MAF: variants seen among roughly 807,000 people sequenced by gnomAD.
The protein encoded by MAF is transcription factor Maf.
MAF carries 10 observed loss-of-function variants against 22.0 expected under a neutral mutation model. The ratio of observed to expected loss-of-function variants is 0.45; its 90% CI spans 0.28 to 0.77. MAF has a LOEUF of 0.77. Ranked by LOEUF, MAF falls within the 30% of genes least tolerant of loss-of-function variation. MAF has a pLI of 0.12. For missense variants in MAF, 544 were observed against 548.4 expected (o/e 0.99, Z 0.08); for synonymous variants, 337 against 255.8 (o/e 1.32, Z -3.03).
At chr16:79,255,102 C>T in the MAF span, among the ~76,000 whole-genome samples, 3 of 152,194 alleles carry the variant, frequency 2.0e-5, no homozygotes, top group African/African-American at 7.2e-5. Flanking sequence ...TCTAAACACA[C>T]CAAGGGCTAA....
the MAF span, among the ~76,000 whole-genome samples, chr16:79,470,321 G>C: frequency 6.6e-6 from 1 of 152,164 alleles, no homozygotes; most frequent in African/African-American, 2.4e-5. Flanking sequence ...TCCTGGCAAA[G>C]TTAGGGGATG....
the MAF span, among the ~76,000 whole-genome samples, chr16:79,479,010 C>T: frequency 6.6e-6 from 1 of 151,706 alleles, no homozygotes; most frequent in Non-Finnish European, 1.5e-5. Flanking sequence ...CCTAGTGCAC[C>T]TGTGCACCAC....
chr16:79,576,319 G>C, the MAF span, among the ~76,000 whole-genome samples: 1 of 150,580 alleles, frequency 6.6e-6, no homozygotes, highest in Non-Finnish European at 1.5e-5. Context: ...AATTCCATCA[G>C]GCGATTGATT....
At chr16:79,346,737 T>C in the MAF span, among the ~76,000 whole-genome samples, 1 of 152,228 alleles carries the variant, frequency 6.6e-6, no homozygotes, top group Non-Finnish European at 1.5e-5. Context: ...TGCATATTTG[T>C]AATGGAGACT....
chr16:79,390,431 T>C, the MAF span, among the ~76,000 whole-genome samples: 4 of 152,256 alleles, frequency 2.6e-5, no homozygotes, highest in Admixed American at 6.5e-5. Context: ...CCTTTGGTTA[T>C]TAACATGTCT....
At chr16:79,473,980 G>A in the MAF span, among the ~76,000 whole-genome samples, 176 of 152,260 alleles carry the variant, frequency 1.2e-3, no homozygotes, top group African/African-American at 4.1e-3. Context: ...ATTACGGCAG[G>A]TAGTTTATTT....
At chr16:79,476,314 G>C in the MAF span, among the ~76,000 whole-genome samples, 1 of 152,186 alleles carries the variant, frequency 6.6e-6, no homozygotes, top group African/African-American at 2.4e-5. Context: ...GATAACAAGT[G>C]AGATAAAACT....
chr16:79,232,994 C>A, the MAF span, among the ~76,000 whole-genome samples: 1 of 151,756 alleles, frequency 6.6e-6, no homozygotes, highest in Non-Finnish European at 1.5e-5. Flanking sequence ...GCGCCCGCCT[C>A]CATGCACGGC....
intron 1 of MAF, chr16:79,597,090 A>C (rs1382668121): frequency 4.7e-6 from 5 of 1,058,844 alleles, no homozygotes; most frequent in Non-Finnish European, 5.7e-6. Context: ...ACTTATATTT[A>C]AGTTGCAAGC....
the MAF span, chr16:79,203,410 C>G: frequency 2.6e-5 from 4 of 152,090 alleles, no homozygotes; most frequent in Non-Finnish European, 5.9e-5. Flanking sequence ...TGAATTATTG[C>G]AAAGTACATC....
chr16:79,277,361 T>A, the MAF span, among the ~76,000 whole-genome samples: 1 of 152,232 alleles, frequency 6.6e-6, no homozygotes, highest in Non-Finnish European at 1.5e-5. Flanking sequence ...ATGTTTGACA[T>A]TTATGGAGCT....
chr16:79,397,302 G>A, the MAF span, among the ~76,000 whole-genome samples: 4 of 152,232 alleles, frequency 2.6e-5, no homozygotes, highest in Non-Finnish European at 5.9e-5. Context: ...TCTCATCAAT[G>A]TGTGGAGAGT....
downstream of MAF, among the ~76,000 whole-genome samples, chr16:79,589,014 T>C (rs1453591762): frequency 6.6e-6 from 1 of 152,176 alleles, no homozygotes; most frequent in Admixed American, 6.5e-5. Flanking sequence ...GCATCTCAGA[T>C]ACTGACATGT....
chr16:79,377,668 A>G, the MAF span, among the ~76,000 whole-genome samples: 1 of 152,186 alleles, frequency 6.6e-6, no homozygotes, highest in African/African-American at 2.4e-5. Flanking sequence ...TAGGTCTAAC[A>G]TGTAAGTCTT....
At chr16:79,587,533 G>A (rs1321048023) in intron 1 of MAF, among the ~76,000 whole-genome samples, 3 of 152,114 alleles carry the variant, frequency 2.0e-5, no homozygotes, top group Non-Finnish European at 4.4e-5. Flanking sequence ...ATTCCTTGGG[G>A]ACGTTGCAAA....
At chr16:79,355,826 G>C in the MAF span, among the ~76,000 whole-genome samples, 1 of 152,156 alleles carries the variant, frequency 6.6e-6, no homozygotes, top group African/African-American at 2.4e-5. Context: ...GAACGTGGTG[G>C]GGTCCTAAGT....
chr16:79,493,698 G>T, the MAF span, among the ~76,000 whole-genome samples: 2 of 152,198 alleles, frequency 1.3e-5, no homozygotes, highest in South Asian at 4.1e-4. Flanking sequence ...GTTGATAAAA[G>T]GGTGGAGCTA....
At chr16:79,253,184 G>C in the MAF span, among the ~76,000 whole-genome samples, 2 of 152,166 alleles carry the variant, frequency 1.3e-5, no homozygotes, top group African/African-American at 2.4e-5. Context: ...ACGCAAGGAT[G>C]CTTAGAACTT....
the MAF span, among the ~76,000 whole-genome samples, chr16:79,513,327 C>A: frequency 6.6e-6 from 1 of 152,194 alleles, no homozygotes; most frequent in East Asian, 1.9e-4. Context: ...GCTATGTGGC[C>A]AAAAGCGTGT....
Sources: gnomAD v4.1 joint callset for allele counts (sites outside exome capture counted in the v4.1 genomes callset) on GRCh38, gnomAD v4.1.1 for gene constraint, MANE v1.5 for transcripts, NCBI Gene and HGNC (gene_info 2026-07-23, HGNC 2026-07-21) for gene names.